Variants in SLC12A6 observed in about 807,000 individuals in gnomAD.
The protein encoded by SLC12A6 is K-Cl cotransporter 3.
SLC12A6 carries 66 observed loss-of-function variants against 135.3 expected under a neutral mutation model. That is an observed-to-expected ratio of 0.49 (90% CI 0.40 to 0.60). SLC12A6 has a LOEUF of 0.60. SLC12A6 is among the 20% of genes least tolerant of loss of function. The pLI is 0.00. For missense variants in SLC12A6, 1,058 were observed against 1,452.3 expected, an observed-to-expected ratio of 0.73 and a Z score of 4.41; for synonymous variants, 513 against 508.8, an observed-to-expected ratio of 1.01 and a Z score of -0.11.
At chr15:34,246,973 G>A (rs1035694742) in intron 13 of SLC12A6, among the ~76,000 whole-genome samples, 4 of 152,090 alleles carry the variant, frequency 2.6e-5, no homozygotes, top group African/African-American at 4.8e-5. Context: ...ATTCTTAAGA[G>A]GGAATAACTA....
rs764272139 is a variant in SLC12A6, at chr15:34,245,810, T to C, written c.1707A>G (p.Pro569=). The change falls in exon 14 of 26, where the codon CCA becomes CCG. Residue 569 remains proline (P), a synonymous_variant. Coordinates refer to ENST00000354181, the MANE Select transcript of SLC12A6 (RefSeq NM_001365088.1). ...AGAAGGAGCCAATAACAATCACCCA[T>C]GGGGATGGCCAAGATAAGGTGCCTA... ...LVVGTLSWPS[P]WVIVIGSFFS... is the part of the protein sequence containing the mutation. 45 of 1,613,570 alleles carry C rather than the reference T, an allele frequency of 2.8e-5. No individual in the cohort carries two copies. In the East Asian group the frequency reaches 8.5e-4, roughly 30 times the overall value.
At chr15:34,289,708 G>A (rs1036435759) in intron 2 of SLC12A6, among the ~76,000 whole-genome samples, 53 of 152,100 alleles carry the variant, frequency 3.5e-4, no homozygotes, top group African/African-American at 1.2e-3. Flanking sequence ...TTAGTCTTGG[G>A]AGGGTGTATG....
Position 34,257,756 on chromosome 15 carries a change from G to A in SLC12A6, c.576C>T (p.Tyr192=), listed in dbSNP as rs774081365. 1.1e-5 allele frequency: 18 copies of A among 1,606,322 alleles called. No individual in the cohort carries two copies. The East Asian group carries it at 4.0e-4, about 36-fold the overall frequency. Residue 192 remains tyrosine, a synonymous_variant, in exon 6 of 26, where the codon TAC becomes TAT. Coordinates refer to ENST00000354181, the MANE Select transcript of SLC12A6 (RefSeq NM_001365088.1). ...TPQMGTFMGV[Y]LPCLQNIFGV... is the part of the protein sequence containing the mutation. ...CAAAAATATTTTGTAGACATGGGAG[G>A]TAGACACCCATGAAGGTACCCATTT...
intron 2 of SLC12A6, among the ~76,000 whole-genome samples, chr15:34,298,657 T>C (rs1476670938): frequency 6.6e-6 from 1 of 151,976 alleles, no homozygotes; most frequent in South Asian, 2.1e-4. Flanking sequence ...ATACCTAACA[T>C]AAAAAAGAAG....
chr15:34,245,912 T>C (rs922160620), intron 13 of SLC12A6, 45 bp from the exon 14 acceptor site: 8 of 1,491,224 alleles, frequency 5.4e-6, no homozygotes, highest in Admixed American at 1.7e-5. Flanking sequence ...GAAATAACTT[T>C]AGACTGAAAG....
chr15:34,305,136 C>T (rs899921742), intron 2 of SLC12A6, among the ~76,000 whole-genome samples: 1 of 152,080 alleles, frequency 6.6e-6, no homozygotes, highest in African/African-American at 2.4e-5. Context: ...ATAGGTGCAA[C>T]CTGTTCTATC....
chr15:34,245,905 A>G, intron 13 of SLC12A6, 38 bp from the exon 14 acceptor site: 1 of 1,526,828 alleles, frequency 6.5e-7, no homozygotes, highest in Non-Finnish European at 9.1e-7. Context: ...TAATCTGGAA[A>G]TAACTTTAGA....
intron 17 of SLC12A6, 42 bp from the exon 18 acceptor site, chr15:34,241,379 G>GT (rs1891630498): frequency 9.5e-7 from 1 of 1,050,902 alleles, no homozygotes; most frequent in Non-Finnish European, 1.5e-6. Flanking sequence ...TTAAACTATA[G>GT]TAAGTATAAT....
chr15:34,241,609 T>C lies in SLC12A6; in HGVS notation c.2163-272A>G, dbSNP rs149820519. ...TCTATGTAATTGTTCAAAACAATAA[T>C]GTAAAAGAGCAATTTAGATTAGAAA... On this transcript the variant is annotated intron_variant, in intron 17 of 25. Transcript: ENST00000354181. Among the ~76,000 whole-genome samples, 141 of 152,294 alleles carry C rather than the reference T, an allele frequency of 9.3e-4. No homozygotes were observed. In the East Asian group the frequency reaches 0.012, roughly 13 times the overall value.
chr15:34,271,502 G>A lies in SLC12A6; in HGVS notation c.316+3843C>T, dbSNP rs553947302. Among the ~76,000 whole-genome samples, 25 of 151,820 alleles carry A rather than the reference G, an allele frequency of 1.6e-4. 1 individual carries two copies. Among genetic ancestry groups the A allele is most frequent in the South Asian group, 1.2e-3 (6 of 4,806 alleles). On this transcript the variant is annotated intron_variant, in intron 3 of 25. Coordinates refer to ENST00000354181, the MANE Select transcript of SLC12A6 (RefSeq NM_001365088.1). ...ATGAGAGACTGACTGCAGAAGACTC[G>A]AATTATTTTTCCTTGGATGCCTGAT...
intron 2 of SLC12A6, among the ~76,000 whole-genome samples, chr15:34,285,526 G>A (rs1894989148): frequency 6.6e-6 from 1 of 150,474 alleles, no homozygotes; most frequent in African/African-American, 2.5e-5. Flanking sequence ...TTTTTTCCAA[G>A]CCAGCTTAGT....
intron 2 of SLC12A6, among the ~76,000 whole-genome samples, chr15:34,275,767 T>C (rs948881815): frequency 5.3e-5 from 8 of 152,202 alleles, no homozygotes; most frequent in Non-Finnish European, 1.0e-4. Flanking sequence ...TGGAAAATTA[T>C]TCAGCTATAA....
At chr15:34,295,985 A>G (rs1009153612) in intron 2 of SLC12A6, among the ~76,000 whole-genome samples, 2 of 152,142 alleles carry the variant, frequency 1.3e-5, no homozygotes, top group Admixed American at 1.3e-4. Context: ...GGGTGACAAG[A>G]GCGAAACTTC....
At chr15:34,334,747 G>A (rs955153211) in intron 2 of SLC12A6, among the ~76,000 whole-genome samples, 1 of 152,058 alleles carries the variant, frequency 6.6e-6, no homozygotes, top group African/African-American at 2.4e-5. Flanking sequence ...CTGTAACCAC[G>A]TAAACAAACA....
At chr15:34,305,935 C>CT (rs923397924) in intron 2 of SLC12A6, among the ~76,000 whole-genome samples, 3 of 151,826 alleles carry the variant, frequency 2.0e-5, no homozygotes, top group Non-Finnish European at 2.9e-5. Context: ...TTTTTTGTAT[C>CT]TTTTTTTAGT....
chr15:34,233,793 G>T lies in SLC12A6; in HGVS notation c.*88C>A. 1 of 765,700 alleles carries T rather than the reference G, an allele frequency of 1.3e-6. No individual in the cohort carries two copies. The highest frequency in any genetic ancestry group is 1.4e-5 in the South Asian group (1 of 71,458). The allele number at this position is 765,700 out of a possible 1,614,324, so 47.4% of individuals were successfully genotyped here. On this transcript the variant is annotated 3_prime_UTR_variant, in exon 26 of 26. Transcript: ENST00000354181. ...GTGTACAGAACACAGGCTTCTAGTT[G>T]AGTGGGAGTGGTAGTAATGAGCTGG...
At chr15:34,254,903 T>C (rs1892644281) in intron 8 of SLC12A6, among the ~76,000 whole-genome samples, 1 of 152,240 alleles carries the variant, frequency 6.6e-6, no homozygotes, top group Non-Finnish European at 1.5e-5. Context: ...ACCCTGACTC[T>C]ACTATCACTA....
chr15:34,262,842 G>A (rs746296629), intron 3 of SLC12A6, among the ~76,000 whole-genome samples: 25 of 152,170 alleles, frequency 1.6e-4, no homozygotes, highest in Admixed American at 1.4e-3. Flanking sequence ...TCCCACCAGT[G>A]CGCAATTGCC....
chr15:34,291,762 G>A (rs891686325), intron 2 of SLC12A6, among the ~76,000 whole-genome samples: 20 of 151,028 alleles, frequency 1.3e-4, no homozygotes, highest in Admixed American at 4.0e-4. Context: ...CCTTTCTTCC[G>A]CTTGATTGAA....
Sources: gnomAD v4.1 joint callset for allele counts (sites outside exome capture counted in the v4.1 genomes callset) on GRCh38, gnomAD v4.1.1 for gene constraint, MANE v1.5 for transcripts, NCBI Gene and HGNC (gene_info 2026-07-23, HGNC 2026-07-21) for gene names.